The following MYO5A variants were observed in gnomAD, a reference collection of about 807,000 sequenced individuals.
The protein encoded by MYO5A is myosin VA.
MYO5A carries 98 observed loss-of-function variants against 249.7 expected under a neutral mutation model. That is an observed-to-expected ratio of 0.39 (90% CI 0.33 to 0.46). The LOEUF is 0.46. Ranked by LOEUF, MYO5A falls within the 20% of genes least tolerant of loss-of-function variation. The pLI is 0.98. For synonymous variants in MYO5A, 778 were observed against 810.6 expected (o/e 0.96, Z 0.68); for missense variants, 1,696 against 2,308.8 (o/e 0.73, Z 5.44).
chr15:52,426,766 A>G (rs1253425791), intron 3 of MYO5A, among the ~76,000 whole-genome samples: 3 of 152,206 alleles, frequency 2.0e-5, no homozygotes, highest in African/African-American at 7.2e-5. Context: ...TGAGTTACAT[A>G]TAATTGTTTT....
intron 37 of MYO5A, among the ~76,000 whole-genome samples, chr15:52,322,069 A>G (rs1213305435): frequency 6.6e-6 from 1 of 152,216 alleles, no homozygotes; most frequent in Admixed American, 6.5e-5. Flanking sequence ...ATCTGTTAAA[A>G]TGGAACTGAA....
chr15:52,314,354 A>C, intron 40 of MYO5A, 151 bp from the exon 41 acceptor site: 1 of 648,780 alleles, frequency 1.5e-6, no homozygotes, highest in Non-Finnish European at 2.8e-6. Flanking sequence ...GCTGGTCTGC[A>C]CATTTACCTT....
intron 37 of MYO5A, among the ~76,000 whole-genome samples, chr15:52,322,984 T>A (rs2038406333): frequency 6.6e-6 from 1 of 152,170 alleles, no homozygotes; most frequent in African/African-American, 2.4e-5. Flanking sequence ...CTCCCCCCGA[T>A]TTTTGATCAC....
At chr15:52,439,851 C>T (rs1850615416) in intron 1 of MYO5A, among the ~76,000 whole-genome samples, 1 of 152,086 alleles carries the variant, frequency 6.6e-6, no homozygotes, top group African/African-American at 2.4e-5. Flanking sequence ...AGAAAATAAA[C>T]CTAAACTACA....
intron 1 of MYO5A, among the ~76,000 whole-genome samples, chr15:52,483,781 C>T (rs2076763213): frequency 6.6e-6 from 1 of 152,238 alleles, no homozygotes; most frequent in South Asian, 2.1e-4. Flanking sequence ...GCTATGTCCA[C>T]ACCCTTATGA....
intron 1 of MYO5A, among the ~76,000 whole-genome samples, chr15:52,477,360 G>A (rs1409149193): frequency 2.6e-5 from 4 of 152,146 alleles, no homozygotes; most frequent in African/African-American, 7.2e-5. Flanking sequence ...GCTTGGAGAA[G>A]TTTGTTATTA....
intron 25 of MYO5A, among the ~76,000 whole-genome samples, chr15:52,354,665 C>T (rs1004523942): frequency 6.6e-6 from 1 of 152,082 alleles, no homozygotes; most frequent in Admixed American, 6.5e-5. Flanking sequence ...ACCAGCCTGA[C>T]CAACACGGTG....
intron 28 of MYO5A, among the ~76,000 whole-genome samples, chr15:52,350,864 C>T (rs1487715614): frequency 6.6e-6 from 1 of 152,220 alleles, no homozygotes; most frequent in African/African-American, 2.4e-5. Context: ...TCTGTTACTT[C>T]TCCAATTAAA....
intron 40 of MYO5A, among the ~76,000 whole-genome samples, chr15:52,315,494 C>T (rs187030990): frequency 6.6e-5 from 10 of 152,222 alleles, no homozygotes; most frequent in African/African-American, 2.4e-4. Flanking sequence ...CCTGCCTCAG[C>T]CTCCCAAGTA....
At chr15:52,456,599 C>T (rs1331934846) in intron 1 of MYO5A, among the ~76,000 whole-genome samples, 1 of 151,752 alleles carries the variant, frequency 6.6e-6, no homozygotes, top group Non-Finnish European at 1.5e-5. Flanking sequence ...AATAAGCATG[C>T]CTGGTACTGG....
chr15:52,416,495 T>A (rs200156384), intron 4 of MYO5A, among the ~76,000 whole-genome samples, 194 bp from the exon 5 acceptor site: 174 of 109,854 alleles, frequency 1.6e-3, no homozygotes, highest in East Asian at 3.8e-3. Context: ...ATATATATAT[T>A]TTTTTTAAGG....
rs763390330 is a variant in MYO5A at position 52,319,222 on chromosome 15, C to T, written c.5072G>A (p.Arg1691Gln). Residue 1691 changes from arginine to glutamine, a missense_variant, in exon 39 of 42, where the codon CGG (arginine) becomes CAG (glutamine). Physicochemically the swap from Arg to Gln is conservative, Grantham distance 43. This residue lies in a region of MYO5A where 625 missense variants were observed against 908.1 expected (regional missense o/e 0.69). Transcript: ENST00000399233. Reference sequence around the variant, plus strand: ...GACCGAGTGGAAGGAGTTGAGCTGCCGGAGGATGGAGTCCAGTGTGTAGGT... The same window carrying T: ...GACCGAGTGGAAGGAGTTGAGCTGCTGGAGGATGGAGTCCAGTGTGTAGGT... ...EGTYTLDSIL[R>Q]QLNSFHSVMC... 1.2e-5 allele frequency: 19 copies of T among 1,614,114 alleles called. No individual in the cohort carries two copies. The highest frequency in any genetic ancestry group is 8.9e-5 in the East Asian group (4 of 44,884).
intron 21 of MYO5A, among the ~76,000 whole-genome samples, chr15:52,370,770 A>C (rs1446092617): frequency 2.0e-5 from 3 of 152,208 alleles, no homozygotes; most frequent in Non-Finnish European, 4.4e-5. Flanking sequence ...ATGTTGCTAA[A>C]AACCATTTAC....
chr15:52,484,028 A>T (rs1373195581), intron 1 of MYO5A, among the ~76,000 whole-genome samples: 1 of 152,126 alleles, frequency 6.6e-6, no homozygotes, highest in East Asian at 1.9e-4. Context: ...AACTAGAGAG[A>T]CCACTAACAT....
chr15:52,509,860 A>C (rs1045393192), intron 1 of MYO5A, among the ~76,000 whole-genome samples: 2 of 152,120 alleles, frequency 1.3e-5, no homozygotes, highest in African/African-American at 4.8e-5. Context: ...TCAAGTGAAC[A>C]ATCTGTGCCA....
At chr15:52,452,043 AC>A (rs1189498184) in intron 1 of MYO5A, among the ~76,000 whole-genome samples, 1 of 152,220 alleles carries the variant, frequency 6.6e-6, no homozygotes, top group Non-Finnish European at 1.5e-5. Flanking sequence ...ACTATAAAAA[AC>A]AATGTGTATG....
intron 6 of MYO5A, among the ~76,000 whole-genome samples, chr15:52,409,571 T>C (rs2043154844): frequency 1.3e-5 from 2 of 152,160 alleles, no homozygotes; most frequent in East Asian, 1.9e-4. Flanking sequence ...ACCTGGGCTA[T>C]GGAAATTGTG....
intron 1 of MYO5A, among the ~76,000 whole-genome samples, chr15:52,462,743 G>C (rs916085929): frequency 2.6e-5 from 4 of 152,020 alleles, no homozygotes; most frequent in Non-Finnish European, 5.9e-5. Flanking sequence ...AGCTACTCTG[G>C]AGGCTGAGGC....
intron 4 of MYO5A, among the ~76,000 whole-genome samples, chr15:52,417,802 G>A (rs542971046): frequency 1.6e-4 from 24 of 152,126 alleles, no homozygotes; most frequent in Non-Finnish European, 2.6e-4. Context: ...AGATGCCAGC[G>A]CTGTGCTCTT....
Sources: allele counts gnomAD v4.1 joint callset (sites outside exome capture counted in the v4.1 genomes callset), GRCh38; gene constraint gnomAD v4.1.1; regional missense constraint gnomAD v4.1.1; transcripts MANE v1.5; gene names NCBI Gene and HGNC (gene_info 2026-07-23, HGNC 2026-07-21).